Variants in COMMD8 observed in about 807,000 individuals in gnomAD.
COMMD8 encodes COMM domain-containing protein 8.
In COMMD8, 28 loss-of-function variants were observed where a neutral mutation model predicts 27.2. The ratio of observed to expected loss-of-function variants is 1.03; its 90% CI spans 0.76 to 1.41. The LOEUF (loss-of-function observed/expected upper bound fraction) is 1.41. Ranked by LOEUF, COMMD8 falls within the 40% of genes most tolerant of loss-of-function variation. The probability of loss-of-function intolerance (pLI) is 0.00; values close to 1 mark genes in which losing one functional copy is unlikely to be tolerated. For missense variants in COMMD8, 217 were observed against 211.2 expected (o/e 1.03, Z -0.17); for synonymous variants, 79 against 75.5 (o/e 1.05, Z -0.24).
intron 3 of COMMD8, among the ~76,000 whole-genome samples, chr4:47,454,677 C>A (rs1729838911): frequency 6.6e-6 from 1 of 151,942 alleles, no homozygotes; most frequent in Admixed American, 6.6e-5. Context: ...ACCAGCATGA[C>A]CGACATGGCA....
intron 4 of COMMD8, 113 bp from the exon 5 acceptor site, chr4:47,451,778 C>T: frequency 1.4e-6 from 1 of 697,100 alleles, no homozygotes; most frequent in Admixed American, 3.0e-5. Flanking sequence ...TCATAACAAG[C>T]AAGTACAATG....
At position 47,453,138 on chromosome 4, in the gene COMMD8, C is replaced by A. The variant is rs201423716; in HGVS notation, c.452G>T (p.Gly151Val). The change falls in exon 4 of 5, where the codon GGT (glycine) becomes GTT (valine). Residue 151 changes from glycine to valine, a missense_variant. Physicochemically the swap from Gly to Val is moderately radical, Grantham distance 109 (BLOSUM62 -3). Coordinates refer to ENST00000381571, the MANE Select transcript of COMMD8 (RefSeq NM_017845.5). ...LSLHLDVKEN[G>V]EVKPYSIEMS... Reference sequence around the variant, plus strand: ...TTCAATAGAATAAGGTTTTACTTCACCATTTTCTTTTACATCTAGATGCAG... The same window carrying A: ...TTCAATAGAATAAGGTTTTACTTCAACATTTTCTTTTACATCTAGATGCAG... The A allele has an allele frequency of 5.6e-5, 91 of 1,613,708 alleles. No individual in the cohort carries two copies. The highest frequency in any genetic ancestry group is 7.2e-5 in the Non-Finnish European group (85 of 1,179,722).
chr4:47,462,072 G>A (rs763795256), intron 1 of COMMD8, among the ~76,000 whole-genome samples: 6 of 152,148 alleles, frequency 3.9e-5, no homozygotes, highest in Admixed American at 6.5e-5. Context: ...GGCTGGAGAG[G>A]TGGGTGGAGC....
At chr4:47,456,825 G>A in intron 2 of COMMD8, 96 bp from the exon 3 acceptor site, 2 of 824,342 alleles carry the variant, frequency 2.4e-6, no homozygotes, top group Non-Finnish European at 3.6e-6. Flanking sequence ...AACAGTAAAA[G>A]AAAAAGAGAA....
intron 2 of COMMD8, among the ~76,000 whole-genome samples, chr4:47,457,266 C>T (rs559085383): frequency 1.2e-4 from 19 of 152,202 alleles, no homozygotes; most frequent in Middle Eastern, 6.8e-3. Flanking sequence ...TAGAGAACGA[C>T]AGTAAAAGGG....
chr4:47,453,014 A>G (rs781116820), intron 4 of COMMD8, 45 bp downstream of exon 4: 6 of 1,535,054 alleles, frequency 3.9e-6, no homozygotes, highest in Non-Finnish European at 5.3e-6. Flanking sequence ...AAAAAACCCC[A>G]AAACCTTAAA....
In COMMD8 at chr4:47,463,664, C is replaced by CTGGGGCT; in HGVS notation, c.-20_-14dup. ...CTTCCGGCTCCATCCCTGCGCGAAG[C>CTGGGGCT]TGGGGCTTGGGTCACGTGTCAAGGC... On this transcript the variant is annotated 5_prime_UTR_variant, in exon 1 of 5. Coordinates refer to ENST00000381571, the MANE Select transcript of COMMD8 (RefSeq NM_017845.5). 1 of 1,547,130 alleles carries CTGGGGCT rather than the reference C, an allele frequency of 6.5e-7. No individual in the cohort carries two copies. Among genetic ancestry groups the CTGGGGCT allele is most frequent in the Non-Finnish European group, 8.7e-7 (1 of 1,145,234 alleles).
chr4:47,451,485 G>C lies in COMMD8; in HGVS notation c.*160C>G. 1 of 595,302 alleles carries C rather than the reference G, an allele frequency of 1.7e-6. No homozygotes were observed. Among genetic ancestry groups the C allele is most frequent in the Non-Finnish European group, 2.9e-6 (1 of 340,126 alleles). The allele number at this position is 595,302 out of a possible 1,614,324, so 36.9% of individuals were successfully genotyped here. A position where few individuals can be genotyped will look rare whatever the true frequency, so the allele number is the denominator to read the frequency against. ...TCTCAACCATGTAATTTCCTGTTAA[G>C]GAATGTTGATAAATTTTTATCTTTA... On this transcript the variant is annotated 3_prime_UTR_variant, in exon 5 of 5. Coordinates refer to ENST00000381571, the MANE Select transcript of COMMD8 (RefSeq NM_017845.5).
At chr4:47,460,374 A>G (rs1453235700) in intron 1 of COMMD8, 75 bp from the exon 2 acceptor site, 1 of 1,265,262 alleles carries the variant, frequency 7.9e-7, no homozygotes, top group East Asian at 2.5e-5. Flanking sequence ...TTAACAAACA[A>G]ATGTTGGGAG....
rs151117717 is a variant in COMMD8 at position 47,451,661 on chromosome 4, A to G, written c.536T>C (p.Val179Ala). ...CATTTCCAGTTATTTCAACTGCAGG[A>G]CCACCTTAAAACACAAATTGAAGAG... ...IQSLEAANKV[V>A]LQLK Residue 179 changes from valine to alanine, a missense_variant, in exon 5 of 5, where the codon GTC becomes GCC. By Grantham distance (64) the Val-to-Ala change is moderately conservative (BLOSUM62 0). Transcript: ENST00000381571. The G allele has an allele frequency of 6.3e-7, 1 of 1,580,228 alleles. No homozygotes were observed. The highest frequency in any genetic ancestry group is 1.4e-5 in the African/African-American group (1 of 71,892).
chr4:47,463,010 G>T lies in COMMD8; in HGVS notation c.66+576C>A, dbSNP rs1376376928. Among the ~76,000 whole-genome samples the T allele has an allele frequency of 2.6e-5, 4 of 152,300 alleles. No homozygotes were observed. In the East Asian group the frequency reaches 7.7e-4, roughly 29 times the overall value. ...CCATCGGGGCGCTCAATCTATGGTAGACTTCAATGAAAAACTGGCTGAACA... is the reference window on the plus strand; with the variant it reads ...CCATCGGGGCGCTCAATCTATGGTATACTTCAATGAAAAACTGGCTGAACA... On this transcript the variant is annotated intron_variant, in intron 1 of 4. Transcript: ENST00000381571.
At position 47,451,669 on chromosome 4, in the gene COMMD8, A is replaced by G; in HGVS notation, c.532-4T>C. ...GTTATTTCAACTGCAGGACCACCTT[A>G]AAACACAAATTGAAGAGAAAATATC... On this transcript the variant is annotated splice_region_variant and splice_polypyrimidine_tract_variant and intron_variant, in intron 4 of 4. Coordinates refer to ENST00000381571, the MANE Select transcript of COMMD8 (RefSeq NM_017845.5). 6.4e-7 allele frequency: 1 copy of G among 1,572,530 alleles called. No individual in the cohort carries two copies. Among genetic ancestry groups the G allele is most frequent in the Non-Finnish European group, 8.6e-7 (1 of 1,164,324 alleles).
chr4:47,455,102 C>T (rs2109354441), intron 3 of COMMD8, among the ~76,000 whole-genome samples: 1 of 152,022 alleles, frequency 6.6e-6, no homozygotes, highest in Non-Finnish European at 1.5e-5. Flanking sequence ...CAAGCTCCAC[C>T]TCCTGGGTTC....
intron 3 of COMMD8, among the ~76,000 whole-genome samples, chr4:47,455,754 C>T (rs1180861414): frequency 6.6e-6 from 1 of 152,124 alleles, no homozygotes; most frequent in East Asian, 1.9e-4. Context: ...GTATTTATTT[C>T]CTCTTCATCT....
At chr4:47,462,330 G>A (rs751705603) in intron 1 of COMMD8, among the ~76,000 whole-genome samples, 1 of 152,052 alleles carries the variant, frequency 6.6e-6, no homozygotes, top group Non-Finnish European at 1.5e-5. Flanking sequence ...GTGAAAAGGG[G>A]GGGCCATGGA....
chr4:47,451,644 G>A lies in COMMD8; in HGVS notation c.*1C>T, dbSNP rs745664917. 6.3e-7 allele frequency: 1 copy of A among 1,586,900 alleles called. No homozygotes were observed. Among genetic ancestry groups the A allele is most frequent in the African/African-American group, 1.4e-5 (1 of 72,384 alleles). ...ATAGGACTGGTATTCATCATTTCCA[G>A]TTATTTCAACTGCAGGACCACCTTA... On this transcript the variant is annotated 3_prime_UTR_variant, in exon 5 of 5. Coordinates refer to ENST00000381571, the MANE Select transcript of COMMD8 (RefSeq NM_017845.5).
rs73813541 is a variant in COMMD8 at position 47,456,454 on chromosome 4, C to A, written c.375+123G>T. The A allele has an allele frequency of 4.6e-3, 2,814 of 608,356 alleles. 70 individuals carry two copies. The African/African-American group carries it at 0.05, about 11-fold the overall frequency. The allele number at this position is 608,356 out of a possible 1,614,324, so 37.7% of individuals were successfully genotyped here. A position where few individuals can be genotyped will look rare whatever the true frequency, so the allele number is the denominator to read the frequency against. On this transcript the variant is annotated intron_variant, in intron 3 of 4. Transcript: ENST00000381571. ...TAATTCAAGATGTAATTTAAACTATCTTTGATATTTCTTTGGGATAATACA... is the reference window on the plus strand; with the variant it reads ...TAATTCAAGATGTAATTTAAACTATATTTGATATTTCTTTGGGATAATACA...
intron 2 of COMMD8, among the ~76,000 whole-genome samples, chr4:47,458,842 T>C (rs1244443140): frequency 3.3e-5 from 5 of 152,070 alleles, no homozygotes; most frequent in African/African-American, 2.4e-5. Flanking sequence ...ATGGAATACA[T>C]TGAAGAGTTG....
At chr4:47,459,292 C>A (rs1320364858) in intron 2 of COMMD8, among the ~76,000 whole-genome samples, 1 of 152,040 alleles carries the variant, frequency 6.6e-6, no homozygotes, top group African/African-American at 2.4e-5. Context: ...CAATGACAAA[C>A]ATACATAACT....
Sources: gnomAD v4.1 joint callset for allele counts (sites outside exome capture counted in the v4.1 genomes callset) on GRCh38, gnomAD v4.1.1 for gene constraint, MANE v1.5 for transcripts, NCBI Gene and HGNC (gene_info 2026-07-23, HGNC 2026-07-21) for gene names.